Variants in ZNF660 observed in about 807,000 individuals in gnomAD.
ZNF660 encodes zinc finger protein 660.
A neutral mutation model predicts 23.2 loss-of-function variants in ZNF660; 24 were observed. That is an observed-to-expected ratio of 1.04 (90% confidence interval 0.75 to 1.46). The LOEUF (loss-of-function observed/expected upper bound fraction) is 1.46, where lower values mean the gene tolerates loss of function less well. Among genes scored for constraint, ZNF660 ranks in the 40% most tolerant of loss-of-function variants. The pLI is 0.00. For synonymous variants in ZNF660, 117 were observed against 131.4 expected (o/e 0.89, Z 0.75); for missense variants, 373 against 396.8 (o/e 0.94, Z 0.51).
rs551535628 is a variant in ZNF660 at position 44,587,915 on chromosome 3, C to T, written c.-181+1702C>T. Among the ~76,000 whole-genome samples, 229 of 152,198 alleles carry T rather than the reference C, an allele frequency of 1.5e-3. 1 individual carries two copies. The highest frequency in any genetic ancestry group is 2.5e-3 in the Non-Finnish European group (170 of 68,014). ...CTAAAAATACAAAAAATTAGCTGGG[C>T]GTGGTGGCACATGCCTGTAATCCCA... On this transcript the variant is annotated intron_variant, in intron 2 of 2. Coordinates refer to ENST00000322734, the MANE Select transcript of ZNF660 (RefSeq NM_173658.4).
intron 2 of ZNF660, among the ~76,000 whole-genome samples, chr3:44,590,180 T>A (rs930759383): frequency 3.9e-5 from 6 of 152,038 alleles, no homozygotes; most frequent in African/African-American, 1.5e-4. Flanking sequence ...TTAAGGGAAG[T>A]ATGATATTTC....
intron 2 of ZNF660, among the ~76,000 whole-genome samples, chr3:44,588,297 A>G (rs1051007672): frequency 2.6e-5 from 4 of 152,080 alleles, no homozygotes; most frequent in African/African-American, 9.7e-5. Flanking sequence ...TTTAAACAAC[A>G]TGATCTCACG....
Position 44,594,118 on chromosome 3 carries a change from A to G in ZNF660, c.-76A>G, listed in dbSNP as rs1170759299. 1.9e-6 allele frequency: 3 copies of G among 1,570,008 alleles called. No homozygotes were observed. Among genetic ancestry groups the G allele is most frequent in the Non-Finnish European group, 1.8e-6 (2 of 1,142,486 alleles). On this transcript the variant is annotated 5_prime_UTR_variant, in exon 3 of 3. Coordinates refer to ENST00000322734, the MANE Select transcript of ZNF660 (RefSeq NM_173658.4). ...AATTCCACAGAGACATTGCCCAGGA[A>G]GTCAAAATTTAGAAGGCTCCTCTGA...
At position 44,595,602 on chromosome 3, in the gene ZNF660, G is replaced by A. The variant is rs1700583182; in HGVS notation, c.*413G>A. ...TCATCTCTGGGCGATAGGATTATAG[G>A]TGATTTCTATTTTCTTCTGTATACT... On this transcript the variant is annotated 3_prime_UTR_variant, in exon 3 of 3. Coordinates refer to ENST00000322734, the MANE Select transcript of ZNF660 (RefSeq NM_173658.4). 1 of 171,032 alleles carries A rather than the reference G, an allele frequency of 5.8e-6. No homozygotes were observed. Among genetic ancestry groups the A allele is most frequent in the South Asian group, 2.0e-4 (1 of 5,116 alleles). 10.6% of individuals were successfully genotyped at this position (171,032 alleles called of 1,614,324 possible).
chr3:44,593,547 CTGCTAAAAATACAAAAAAT>C (rs905936003), intron 2 of ZNF660, among the ~76,000 whole-genome samples: 6 of 152,058 alleles, frequency 3.9e-5, no homozygotes, highest in Non-Finnish European at 8.8e-5. Context: ...AACCCCATCT[CTGCTAAAAATACAAAAAAT>C]TAGCTGGGCG....
chr3:44,595,410 A>G lies in ZNF660; in HGVS notation c.*221A>G, dbSNP rs1449112117. The G allele has an allele frequency of 1.2e-5, 5 of 424,640 alleles. No homozygotes were observed. The East Asian group carries it at 1.9e-4, about 16-fold the overall frequency. The allele number at this position is 424,640 out of a possible 1,614,324, so 26.3% of individuals were successfully genotyped here. On this transcript the variant is annotated 3_prime_UTR_variant, in exon 3 of 3. Transcript: ENST00000322734. The stretch of plus-strand genomic sequence containing the variant: ...ACAGGGTTGAAATGAATGATGAGCT[A>G]TCCATATGATGGTTCTGCAGCCATT...
intron 2 of ZNF660, among the ~76,000 whole-genome samples, chr3:44,593,504 A>G (rs1253469107): frequency 6.6e-6 from 1 of 152,066 alleles, no homozygotes; most frequent in African/African-American, 2.4e-5. Flanking sequence ...ACCTGAGGTC[A>G]GGAGTTCAAG....
At chr3:44,586,897 A>G (rs944926544) in intron 2 of ZNF660, among the ~76,000 whole-genome samples, 24 of 152,156 alleles carry the variant, frequency 1.6e-4, no homozygotes, top group African/African-American at 5.6e-4. Flanking sequence ...AGCTTAATGT[A>G]TATATTTGAG....
At position 44,594,561 on chromosome 3, in the gene ZNF660, G is replaced by A. The variant is rs1002335795; in HGVS notation, c.368G>A (p.Arg123Gln). The A allele has an allele frequency of 8.1e-6, 13 of 1,613,824 alleles. No homozygotes were observed. In the African/African-American group the frequency reaches 1.1e-4, roughly 13 times the overall value. ...KSFSGKSHLIRHQGIHSGEKT... is the reference protein window; with the variant it reads ...KSFSGKSHLIQHQGIHSGEKT... Reference sequence around the variant, plus strand: ...TTCAGTGGAAAGTCACATCTTATTCGGCACCAGGGAATCCACAGTGGGGAG... The same window carrying A: ...TTCAGTGGAAAGTCACATCTTATTCAGCACCAGGGAATCCACAGTGGGGAG... The change falls in exon 3 of 3, where the codon CGG (arginine) becomes CAG (glutamine). Residue 123 changes from arginine to glutamine, a missense_variant. Arg to Gln is a conservative substitution (Grantham distance 43). Transcript: ENST00000322734.
Position 44,594,261 on chromosome 3 carries a change from G to T in ZNF660, c.68G>T (p.Ser23Ile). The T allele has an allele frequency of 1.2e-6, 2 of 1,613,984 alleles. No individual in the cohort carries two copies. Among genetic ancestry groups the T allele is most frequent in the Non-Finnish European group, 1.7e-6 (2 of 1,180,038 alleles). The change falls in exon 3 of 3, where the codon AGT (serine) becomes ATT (isoleucine). Residue 23 changes from serine (S) to isoleucine (I), a missense_variant. Physicochemically the swap from Ser to Ile is moderately radical, Grantham distance 142. Coordinates refer to ENST00000322734, the MANE Select transcript of ZNF660 (RefSeq NM_173658.4). Reference protein sequence around the residue: ...VKDNKVLTEGSDQESEKDNSQ... With the variant: ...VKDNKVLTEGIDQESEKDNSQ... ...GACAATAAAGTACTCACAGAAGGGAGTGACCAAGAATCTGAAAAAGACAAT... is the reference window on the plus strand; with the variant it reads ...GACAATAAAGTACTCACAGAAGGGATTGACCAAGAATCTGAAAAAGACAAT...
chr3:44,595,036 A>G lies in ZNF660; in HGVS notation c.843A>G (p.Lys281=). 6.2e-7 allele frequency: 1 copy of G among 1,613,994 alleles called. No individual in the cohort carries two copies. The highest frequency in any genetic ancestry group is 8.5e-7 in the Non-Finnish European group (1 of 1,179,998). Residue 281 remains lysine, a synonymous_variant, in exon 3 of 3, where the codon AAA becomes AAG. Coordinates refer to ENST00000322734, the MANE Select transcript of ZNF660 (RefSeq NM_173658.4). ...CCTATAAATGTAATGAATGTGGGAAAACCTTCAGGCAGACTTCTCAAGTTA... is the reference window on the plus strand; with the variant it reads ...CCTATAAATGTAATGAATGTGGGAAGACCTTCAGGCAGACTTCTCAAGTTA... ...EKPYKCNECG[K]TFRQTSQVIL...
Position 44,594,517 on chromosome 3 carries a change from C to A in ZNF660, c.324C>A (p.Cys108Ter), listed in dbSNP as rs867076706. ...ACACTGGACTGAAGCCCTATACATG[C>A]AGTGAATGTGGGAAATCTTTCAGTG... ...RIHTGLKPYT[C>*]SECGKSFSGK... Residue 108 changes from cysteine to a stop codon, truncating the protein, a stop_gained, in exon 3 of 3, where the codon TGC (cysteine) becomes TGA (stop). Transcript: ENST00000322734. LOFTEE classifies it high-confidence loss of function. 6.2e-6 allele frequency: 10 copies of A among 1,614,094 alleles called. No homozygotes were observed. In the South Asian group the frequency reaches 8.8e-5, roughly 14 times the overall value.
chr3:44,592,546 G>C (rs577250547), intron 2 of ZNF660, among the ~76,000 whole-genome samples: 74 of 152,190 alleles, frequency 4.9e-4, no homozygotes, highest in Non-Finnish European at 6.0e-4. Context: ...TTCATGTATT[G>C]GCACCTCTTG....
At position 44,596,375 on chromosome 3, in the gene ZNF660, G is replaced by A. The variant is rs1422451900; in HGVS notation, c.*1186G>A. 4 of 152,170 alleles carry A rather than the reference G, an allele frequency of 2.6e-5. No individual in the cohort carries two copies. Among genetic ancestry groups the A allele is most frequent in the Admixed American group, 6.5e-5 (1 of 15,268 alleles). 9.4% of individuals were successfully genotyped at this position (152,170 alleles called of 1,614,324 possible). On this transcript the variant is annotated 3_prime_UTR_variant, in exon 3 of 3. Coordinates refer to ENST00000322734, the MANE Select transcript of ZNF660 (RefSeq NM_173658.4). ...ATGAAATATATGATAAGCCAGACAC[G>A]TGGTAAATGATAAAATCTTAAGTAT...
chr3:44,591,580 G>C (rs533873776), intron 2 of ZNF660, among the ~76,000 whole-genome samples: 1 of 152,318 alleles, frequency 6.6e-6, no homozygotes, highest in Non-Finnish European at 1.5e-5. Context: ...TAGCATTATT[G>C]ATAGTAGTTA....
Position 44,598,690 on chromosome 3 carries a change from A to G in ZNF660, c.*3501A>G, listed in dbSNP as rs1388179678. On this transcript the variant is annotated 3_prime_UTR_variant, in exon 3 of 3. Coordinates refer to ENST00000322734, the MANE Select transcript of ZNF660 (RefSeq NM_173658.4). ...GCCATGTTGGTCAGGCTGGTCTTGA[A>G]TGAATGTGTTTTCTTCACATTCTTG... 1.3e-5 allele frequency: 2 copies of G among 152,176 alleles called. No individual in the cohort carries two copies. The highest frequency in any genetic ancestry group is 4.8e-5 in the African/African-American group (2 of 41,448). The allele number at this position is 152,176 out of a possible 1,614,324, so 9.4% of individuals were successfully genotyped here.
At chr3:44,585,647 G>C (rs901358771) in intron 1 of ZNF660, among the ~76,000 whole-genome samples, 3 of 152,126 alleles carry the variant, frequency 2.0e-5, no homozygotes, top group East Asian at 1.9e-4. Context: ...CAGAAAAAAG[G>C]AACATTCTTT....
At chr3:44,590,283 C>T (rs1030808869) in intron 2 of ZNF660, among the ~76,000 whole-genome samples, 1 of 152,040 alleles carries the variant, frequency 6.6e-6, no homozygotes, top group Non-Finnish European at 1.5e-5. Flanking sequence ...AGTTCTGCAG[C>T]CTAGAAGTGT....
At position 44,594,641 on chromosome 3, in the gene ZNF660, A is replaced by G; in HGVS notation, c.448A>G (p.Ile150Val). 1 of 1,614,000 alleles carries G rather than the reference A, an allele frequency of 6.2e-7. No individual in the cohort carries two copies. Among genetic ancestry groups the G allele is most frequent in the Non-Finnish European group, 8.5e-7 (1 of 1,180,002 alleles). The change falls in exon 3 of 3, where the codon ATA (isoleucine) becomes GTA (valine). Residue 150 changes from isoleucine to valine, a missense_variant. Physicochemically the swap from Ile to Val is conservative, Grantham distance 29 (BLOSUM62 3). Transcript: ENST00000322734. ...AGCCTTTAGTCGGAGTTCGGGCCTTATATCACATCACAGAGTTCACACCGG... is the reference window on the plus strand; with the variant it reads ...AGCCTTTAGTCGGAGTTCGGGCCTTGTATCACATCACAGAGTTCACACCGG... ...GKAFSRSSGL[I>V]SHHRVHTGEK...
Sources: gnomAD v4.1 joint callset for allele counts (sites outside exome capture counted in the v4.1 genomes callset) on GRCh38, gnomAD v4.1.1 for gene constraint, MANE v1.5 for transcripts, NCBI Gene and HGNC (gene_info 2026-07-23, HGNC 2026-07-21) for gene names.